The following TNFRSF13B variants were observed in gnomAD, a reference collection of about 807,000 sequenced individuals.
The protein encoded by TNFRSF13B is TNF receptor superfamily member 13B, also known as tumor necrosis factor receptor superfamily member 13B.
TNFRSF13B carries 34 observed loss-of-function variants against 24.0 expected under a neutral mutation model. The ratio of observed to expected loss-of-function variants is 1.41; its 90% CI spans 1.08 to 1.88. The LOEUF (loss-of-function observed/expected upper bound fraction) is 1.88, where lower values mean the gene tolerates loss of function less well. TNFRSF13B is among the 40% of genes most tolerant of loss of function. TNFRSF13B has a pLI of 0.00. For synonymous variants in TNFRSF13B, 173 were observed against 150.3 expected, an observed-to-expected ratio of 1.15 and a Z score of -1.10; for missense variants, 415 against 380.8, an observed-to-expected ratio of 1.09 and a Z score of -0.75.
In TNFRSF13B at chr17:16,940,532, C is replaced by G; in HGVS notation, c.446-21G>C. On this transcript the variant is annotated intron_variant, in intron 3 of 4. Coordinates refer to ENST00000261652, the MANE Select transcript of TNFRSF13B (RefSeq NM_012452.3). The stretch of plus-strand genomic sequence containing the variant: ...GAGAGCTGCAAGACAGCATGAGACC[C>G]CTCTCTGCAGTGCCTTCTTCTCTTC... The G allele has an allele frequency of 1.9e-6, 3 of 1,610,608 alleles. No individual in the cohort carries two copies. The South Asian group carries it at 3.3e-5, about 18-fold the overall frequency.
At chr17:16,966,230 C>T (rs570076668) in intron 1 of TNFRSF13B, among the ~76,000 whole-genome samples, 15 of 150,278 alleles carry the variant, frequency 1.0e-4, no homozygotes, top group Admixed American at 6.0e-4. Flanking sequence ...CTCCAGCCTA[C>T]GCAACAGAGT....
chr17:16,939,377 C>CT lies in TNFRSF13B; in HGVS notation c.*169dup, dbSNP rs1365332841. 1 of 778,176 alleles carries CT rather than the reference C, an allele frequency of 1.3e-6. No homozygotes were observed. Among genetic ancestry groups the CT allele is most frequent in the Non-Finnish European group, 1.9e-6 (1 of 520,022 alleles). 48.2% of individuals were successfully genotyped at this position (778,176 alleles called of 1,614,324 possible). ...TTTCCCTCTCTGCCTCTCTTCCCCT[C>CT]TGTCTCTCTCTCCCTCTGTCTCTCT... On this transcript the variant is annotated 3_prime_UTR_variant, in exon 5 of 5. Transcript: ENST00000261652.
rs559302789 is a variant in TNFRSF13B, at chr17:16,942,191, C to T, written c.446-1680G>A. On this transcript the variant is annotated intron_variant, in intron 3 of 4. Transcript: ENST00000261652. ...CCTGCTGGACTGCGTTGCACAGCAT[C>T]TGCCGTTCACACTCCATTTTACAGA... Among the ~76,000 whole-genome samples, 24 of 152,304 alleles carry T rather than the reference C, an allele frequency of 1.6e-4. No homozygotes were observed. In the South Asian group the frequency reaches 5.0e-3, roughly 32 times the overall value.
At chr17:16,940,053 TG>T in intron 4 of TNFRSF13B, 1 of 1,031,958 alleles carries the variant, frequency 9.7e-7, no homozygotes, top group Non-Finnish European at 1.4e-6. Flanking sequence ...CACCTCCTCC[TG>T]GGCTTAGCCC....
At chr17:16,941,483 TGGAAAG>T in intron 3 of TNFRSF13B, 1 of 987,564 alleles carries the variant, frequency 1.0e-6, no homozygotes, top group Non-Finnish European at 1.2e-6. Context: ...AGGCGCTGGG[TGGAAAG>T]ACAGATGAGC....
chr17:16,952,642 C>A, intron 1 of TNFRSF13B, 59 bp from the exon 2 acceptor site: 1 of 1,612,780 alleles, frequency 6.2e-7, no homozygotes, highest in South Asian at 1.1e-5. Flanking sequence ...CCTCTTGTCC[C>A]TGATGGGAAC....
chr17:16,971,167 G>A (rs1032832246), intron 1 of TNFRSF13B, among the ~76,000 whole-genome samples: 3 of 152,146 alleles, frequency 2.0e-5, no homozygotes, highest in Non-Finnish European at 4.4e-5. Flanking sequence ...GGCCAACGTG[G>A]CGAAAGCCTA....
intron 3 of TNFRSF13B, among the ~76,000 whole-genome samples, chr17:16,947,582 A>G (rs975848127): frequency 2.6e-5 from 4 of 152,262 alleles, no homozygotes; most frequent in Non-Finnish European, 4.4e-5. Flanking sequence ...GCAAGCAGCC[A>G]ACAAACATGA....
chr17:16,956,316 C>T (rs899710607), intron 1 of TNFRSF13B, among the ~76,000 whole-genome samples: 2 of 152,232 alleles, frequency 1.3e-5, no homozygotes, highest in African/African-American at 4.8e-5. Context: ...TTTCCAGTCA[C>T]CACAACGTAA....
chr17:16,968,430 T>G (rs1047560484), intron 1 of TNFRSF13B, among the ~76,000 whole-genome samples: 6 of 152,236 alleles, frequency 3.9e-5, no homozygotes, highest in Non-Finnish European at 8.8e-5. Context: ...CAATGGATTT[T>G]CAACAAGGAT....
rs778801696 is a variant in TNFRSF13B at position 16,948,848 on chromosome 17, A to G, written c.335T>C (p.Val112Ala). 6.2e-7 allele frequency: 1 copy of G among 1,614,224 alleles called. No homozygotes were observed. The highest frequency in any genetic ancestry group is 1.1e-5 in the South Asian group (1 of 91,086). ...YFCENKLRSP[V>A]NLPPELRRQR... ...TCTCCTGAGCTCTGGTGGAAGGTTC[A>G]CTGGGCTCCTGAGCTTGTTCTCACA... Residue 112 changes from valine to alanine, a missense_variant, in exon 3 of 5, where the codon GTG (valine) becomes GCG (alanine). Coordinates refer to ENST00000261652, the MANE Select transcript of TNFRSF13B (RefSeq NM_012452.3).
chr17:16,964,669 CTTAG>C (rs917177889), intron 1 of TNFRSF13B, among the ~76,000 whole-genome samples: 6 of 152,264 alleles, frequency 3.9e-5, no homozygotes, highest in East Asian at 1.9e-4. Context: ...GGAAGAAGAA[CTTAG>C]TTAGGTCCTG....
At chr17:16,964,218 T>G (rs2087683359) in intron 1 of TNFRSF13B, among the ~76,000 whole-genome samples, 1 of 151,936 alleles carries the variant, frequency 6.6e-6, no homozygotes, top group Admixed American at 6.6e-5. Context: ...TGTATATGCT[T>G]TTTCCCCGGG....
rs140914723 is a variant in TNFRSF13B, at chr17:16,939,792, C to T, written c.637G>A (p.Ala213Thr). Reference sequence around the variant, plus strand: ...CTCACAGGGCTGCCGGCTTCCATCGCGTGATCTGCAGAGGCGAGAGTGGAG... The same window carrying T: ...CTCACAGGGCTGCCGGCTTCCATCGTGTGATCTGCAGAGGCGAGAGTGGAG... ...QSPAKSSQDH[A>T]MEAGSPVSTS... is the part of the protein sequence containing the mutation. Residue 213 changes from alanine (A) to threonine (T), a missense_variant, in exon 5 of 5, where the codon GCG becomes ACG. Coordinates refer to ENST00000261652, the MANE Select transcript of TNFRSF13B (RefSeq NM_012452.3). 3.7e-5 allele frequency: 59 copies of T among 1,611,366 alleles called. No individual in the cohort carries two copies. The highest frequency in any genetic ancestry group is 2.5e-4 in the East Asian group (11 of 44,858).
intron 1 of TNFRSF13B, among the ~76,000 whole-genome samples, chr17:16,955,626 G>C (rs938959361): frequency 6.6e-6 from 1 of 152,224 alleles, no homozygotes; most frequent in African/African-American, 2.4e-5. Context: ...GTGCAATACA[G>C]TCTCACAAAC....
At chr17:16,943,463 C>A (rs2087525745) in intron 3 of TNFRSF13B, among the ~76,000 whole-genome samples, 1 of 152,196 alleles carries the variant, frequency 6.6e-6, no homozygotes, top group Non-Finnish European at 1.5e-5. Context: ...CAGTTCTAAT[C>A]TCATGCCAAT....
At chr17:16,961,401 T>C (rs2087661562) in intron 1 of TNFRSF13B, among the ~76,000 whole-genome samples, 1 of 152,232 alleles carries the variant, frequency 6.6e-6, no homozygotes, top group African/African-American at 2.4e-5. Context: ...CAGGATACTA[T>C]GATGTTATTA....
rs148758686 is a variant in TNFRSF13B at position 16,940,489 on chromosome 17, A to C, written c.468T>G (p.Ser156Arg). The part of the protein sequence containing the change: ...ASPALPGLKL[S>R]ADQVALVYST... ...TGTAGACCAGGGCCACCTGATCTGC[A>C]CTCAGCTTCAGCCCCGGGAGAGCTG... The change falls in exon 4 of 5, where the codon AGT (serine) becomes AGG (arginine). Residue 156 changes from serine to arginine, a missense_variant. Ser to Arg is a moderately radical substitution (Grantham distance 110). Coordinates refer to ENST00000261652, the MANE Select transcript of TNFRSF13B (RefSeq NM_012452.3). 7.3e-5 allele frequency: 118 copies of C among 1,613,706 alleles called. 1 individual carries two copies. In the African/African-American group the frequency reaches 1.3e-3, roughly 18 times the overall value.
intron 1 of TNFRSF13B, among the ~76,000 whole-genome samples, chr17:16,959,397 T>C (rs2087646339): frequency 6.6e-6 from 1 of 151,544 alleles, no homozygotes; most frequent in Non-Finnish European, 1.5e-5. Flanking sequence ...CATAACTAAA[T>C]CATAACCTAA....
Sources: gnomAD v4.1 joint callset for allele counts (sites outside exome capture counted in the v4.1 genomes callset) on GRCh38, gnomAD v4.1.1 for gene constraint, MANE v1.5 for transcripts, NCBI Gene and HGNC (gene_info 2026-07-23, HGNC 2026-07-21) for gene names.